The following TKFC variants were observed in gnomAD, a reference collection of about 807,000 sequenced individuals.
TKFC encodes triokinase/FMN cyclase.
Under a neutral mutation model 61.0 loss-of-function variants are expected in TKFC, and 46 were observed. The ratio of observed to expected loss-of-function variants is 0.75; its 90% CI spans 0.60 to 0.96. The LOEUF is 0.96. Ranked by LOEUF, TKFC falls within the 50% of genes least tolerant of loss-of-function variation. The pLI, the probability that TKFC is intolerant of heterozygous loss-of-function variation, is 0.00. For missense variants in TKFC, 715 were observed against 777.5 expected (o/e 0.92, Z 0.96); for synonymous variants, 314 against 330.1 (o/e 0.95, Z 0.53).
Position 61,338,068 on chromosome 11 carries a change from G to A in TKFC, c.131G>A (p.Ser44Asn). ...GTGGCCCTCCGTTCTGACCTGGACA[G>A]CCTCAAGGGCCGGGTGGCACTGCTG... The part of the protein sequence containing the change: ...HRVALRSDLD[S>N]LKGRVALLSG... The change falls in exon 3 of 18, where the codon AGC (serine) becomes AAC (asparagine). Residue 44 changes from serine to asparagine, a missense_variant. Transcript: ENST00000394900. The A allele has an allele frequency of 6.2e-7, 1 of 1,611,366 alleles. No individual in the cohort carries two copies. The highest frequency in any genetic ancestry group is 8.5e-7 in the Non-Finnish European group (1 of 1,179,588).
intron 1 of TKFC, 103 bp from the exon 2 acceptor site, chr11:61,334,517 C>T (rs1856519847): frequency 6.8e-6 from 4 of 585,214 alleles, no homozygotes; most frequent in South Asian, 1.9e-5. Flanking sequence ...GGACTTGGAC[C>T]GAAGTCTGGG....
At chr11:61,344,894 A>G (rs1467170198) in intron 13 of TKFC, among the ~76,000 whole-genome samples, 2 of 152,242 alleles carry the variant, frequency 1.3e-5, no homozygotes, top group East Asian at 1.9e-4. Context: ...TGGATACAGT[A>G]GTGAACAGAG....
intron 2 of TKFC, chr11:61,336,027 C>G (rs1856594530): frequency 1.3e-5 from 2 of 152,332 alleles, no homozygotes; most frequent in Admixed American, 1.3e-4. Context: ...CTCCCAACCT[C>G]AGGTGATCCA....
chr11:61,345,376 T>TG lies in TKFC; in HGVS notation c.1347+15dup. ...AGGCTCATCTGGGGCGGTGGGTGCC[T>TG]GGGGGCTGAAGGGCTGACAGGGAGG... On this transcript the variant is annotated intron_variant, in intron 14 of 17. Transcript: ENST00000394900. 1 of 1,599,440 alleles carries TG rather than the reference T, an allele frequency of 6.3e-7. No individual in the cohort carries two copies. The highest frequency in any genetic ancestry group is 8.6e-7 in the Non-Finnish European group (1 of 1,169,004).
At chr11:61,338,318 A>G (rs1227220708) in intron 3 of TKFC, among the ~76,000 whole-genome samples, 188 bp downstream of exon 3, 8 of 152,156 alleles carry the variant, frequency 5.3e-5, no homozygotes, top group Non-Finnish European at 7.4e-5. Flanking sequence ...CTGTTTCTAC[A>G]TCTACAAATC....
At chr11:61,351,874 A>G (rs1857425729), downstream of TKFC, 1 of 152,134 alleles carries the variant, frequency 6.6e-6, no homozygotes, top group Admixed American at 6.5e-5. Context: ...TGGTCACACC[A>G]TTGCTCTCCA....
rs757027470 is a variant in TKFC at position 61,343,961 on chromosome 11, C to T, written c.1088C>T (p.Ser363Phe). 1.2e-6 allele frequency: 2 copies of T among 1,611,508 alleles called. No homozygotes were observed. The highest frequency in any genetic ancestry group is 1.7e-6 in the Non-Finnish European group (2 of 1,179,962). Residue 363 changes from serine (S) to phenylalanine (F), a missense_variant, in exon 12 of 18, where the codon TCC becomes TTC. Ser to Phe is a radical substitution (Grantham distance 155). Transcript: ENST00000394900. ...GCCGAGCCCCAGGAGGCCCCTGATT[C>T]CACTGCTGCAGGAGGTACCAACCCC... is the stretch of plus-strand genomic sequence containing the variant. ...APAEPQEAPD[S>F]TAAGGSASKR...
chr11:61,342,823 G>A lies in TKFC; in HGVS notation c.844G>A (p.Asp282Asn), dbSNP rs749945760. The A allele has an allele frequency of 2.4e-5, 39 of 1,613,898 alleles. No homozygotes were observed. The highest frequency in any genetic ancestry group is 4.5e-5 in the East Asian group (2 of 44,878). The change falls in exon 10 of 18, where the codon GAC becomes AAC. Residue 282 changes from aspartate to asparagine, a missense_variant. Coordinates refer to ENST00000394900, the MANE Select transcript of TKFC (RefSeq NM_015533.4). Reference sequence around the variant, plus strand: ...ATTCCTGGAACTGGGCATCATAGCCGACGCTACCGTCCGCTCCCTGGGTGA... The same window carrying A: ...ATTCCTGGAACTGGGCATCATAGCCAACGCTACCGTCCGCTCCCTGGGTGA... ...LSFLELGIIA[D>N]ATVRSLEGRG...
intron 2 of TKFC, 39 bp from the exon 3 acceptor site, chr11:61,337,902 T>C (rs1856677269): frequency 6.4e-7 from 1 of 1,567,076 alleles, no homozygotes; most frequent in Non-Finnish European, 8.6e-7. Flanking sequence ...GTATCTGTAC[T>C]GACCACATTC....
intron 2 of TKFC, 115 bp downstream of exon 2, chr11:61,334,846 G>T: frequency 6.8e-7 from 1 of 1,469,304 alleles, no homozygotes; most frequent in Non-Finnish European, 9.4e-7. Flanking sequence ...GCCTCCTGAG[G>T]CTCACGGGTG....
intron 13 of TKFC, among the ~76,000 whole-genome samples, chr11:61,345,040 G>T (rs533711155): frequency 6.6e-6 from 1 of 152,234 alleles, no homozygotes; most frequent in Non-Finnish European, 1.5e-5. Context: ...AGTACAGAGC[G>T]TCAAGTGGAG....
At chr11:61,335,851 A>G (rs182517262) in intron 2 of TKFC, 1,560 of 152,032 alleles carry the variant, frequency 0.01, 13 homozygotes, top group Non-Finnish European at 0.016. Context: ...CTGGAGTGCA[A>G]TGGCGCAATC....
chr11:61,333,730 G>C (rs897999382), intron 1 of TKFC: 6 of 152,172 alleles, frequency 3.9e-5, no homozygotes, highest in African/African-American at 1.4e-4. Context: ...TTTCTCCGTA[G>C]GGAACCTTAA....
intron 10 of TKFC, 85 bp from the exon 11 acceptor site, chr11:61,343,257 A>G: frequency 1.6e-6 from 2 of 1,287,196 alleles, no homozygotes; most frequent in Non-Finnish European, 2.2e-6. Context: ...TCAGAGCCCC[A>G]GCTTCCAAGG....
Position 61,346,062 on chromosome 11 carries a change from T to A in TKFC, c.1575+116T>A. 1 of 1,212,916 alleles carries A rather than the reference T, an allele frequency of 8.2e-7. No individual in the cohort carries two copies. The highest frequency in any genetic ancestry group is 1.1e-6 in the Non-Finnish European group (1 of 871,384). 75.1% of individuals were successfully genotyped at this position (1,212,916 alleles called of 1,614,324 possible). A position where few individuals can be genotyped will look rare whatever the true frequency, so the allele number is the denominator to read the frequency against. On this transcript the variant is annotated intron_variant, in intron 17 of 17. Transcript: ENST00000394900. The surrounding 1 kb of genome is among the most constrained non-coding windows in gnomAD (Gnocchi z 4.1). ...TCCTGGACCGCAGTTTCCTTCTCTG[T>A]ACAATGGAGATGAGCACCTATCTCA...
chr11:61,347,805 T>G lies in TKFC; in HGVS notation c.*1302T>G. The G allele has an allele frequency of 3.1e-6, 3 of 974,934 alleles. No homozygotes were observed. The highest frequency in any genetic ancestry group is 3.7e-6 in the Non-Finnish European group (3 of 820,416). 60.4% of individuals were successfully genotyped at this position (974,934 alleles called of 1,614,324 possible). ...CCCTTTGGGATCTGTAAAATCAGAA[T>G]GGTACCCACCTCATGGGGACATGAA... On this transcript the variant is annotated 3_prime_UTR_variant, in exon 18 of 18. Coordinates refer to ENST00000394900, the MANE Select transcript of TKFC (RefSeq NM_015533.4).
chr11:61,342,650 T>G lies in TKFC; in HGVS notation c.767T>G (p.Val256Gly), dbSNP rs776751461. ...ACCACCAACGCGTCCCATGTGCCTG[T>G]GCAGCCCGGTGGGTAGCCTCTCGCC... ...TNTTNASHVP[V>G]QPGSSVVMMV... Residue 256 changes from valine to glycine, a missense_variant, in exon 9 of 18, where the codon GTG becomes GGG. Val to Gly is a moderately radical substitution (Grantham distance 109, BLOSUM62 -3). Transcript: ENST00000394900. 32 of 1,613,950 alleles carry G rather than the reference T, an allele frequency of 2.0e-5. No individual in the cohort carries two copies. The highest frequency in any genetic ancestry group is 5.0e-5 in the Admixed American group (3 of 60,006).
chr11:61,334,578 G>A, intron 1 of TKFC, 42 bp from the exon 2 acceptor site: 1 of 992,438 alleles, frequency 1.0e-6, no homozygotes, highest in Non-Finnish European at 1.5e-6. Context: ...CCAGTCGACT[G>A]CGAGTTCCTT....
At position 61,346,659 on chromosome 11, in the gene TKFC, G is replaced by C; in HGVS notation, c.*156G>C. On this transcript the variant is annotated 3_prime_UTR_variant, in exon 18 of 18. Transcript: ENST00000394900. This position sits in a 1 kb window ranked among gnomAD's most constrained non-coding sequence, Gnocchi z 4.1. Reference sequence around the variant, plus strand: ...CAGGAAATCCTCCACCAAGCTTCCAGAACTACAGACAGCACCCAGAGTGAG... The same window carrying C: ...CAGGAAATCCTCCACCAAGCTTCCACAACTACAGACAGCACCCAGAGTGAG... The C allele has an allele frequency of 6.9e-7, 1 of 1,450,924 alleles. No individual in the cohort carries two copies. The highest frequency in any genetic ancestry group is 9.0e-7 in the Non-Finnish European group (1 of 1,106,642). The allele number at this position is 1,450,924 out of a possible 1,614,324, so 89.9% of individuals were successfully genotyped here.
Sources: gnomAD v4.1 joint callset for allele counts (sites outside exome capture counted in the v4.1 genomes callset) on GRCh38, gnomAD v4.1.1 for gene constraint, Gnocchi (gnomAD v3.1) non-coding constraint, MANE v1.5 for transcripts, NCBI Gene and HGNC (gene_info 2026-07-23, HGNC 2026-07-21) for gene names.